FILIP1L: variants seen among roughly 807,000 people sequenced by gnomAD.
The protein encoded by FILIP1L is filamin A interacting protein 1 like, also known as filamin A-interacting protein 1-like.
In FILIP1L, 55 loss-of-function variants were observed where a neutral mutation model predicts 96.6. The observed-to-expected ratio is 0.57, with a 90% CI of 0.46 to 0.71. The LOEUF is 0.71. Among genes scored for constraint, FILIP1L ranks in the 30% least tolerant of loss-of-function variants. The pLI is 0.00. For synonymous variants in FILIP1L, 467 were observed against 473.9 expected (o/e 0.99, Z 0.19); for missense variants, 1,304 against 1,321.2 (o/e 0.99, Z 0.20).
At chr3:99,909,100 T>C (rs1706712289) in intron 4 of FILIP1L, among the ~76,000 whole-genome samples, 1 of 152,226 alleles carries the variant, frequency 6.6e-6, no homozygotes, top group African/African-American at 2.4e-5. Flanking sequence ...CCAAATGTTC[T>C]AGTGCAGCAT....
At position 99,930,997 on chromosome 3, in the gene FILIP1L, G is replaced by A. The variant is rs375109760; in HGVS notation, c.24C>T (p.Thr8=). The A allele has an allele frequency of 7.2e-5, 116 of 1,613,560 alleles. No individual in the cohort carries two copies. The highest frequency in any genetic ancestry group is 9.2e-5 in the Non-Finnish European group (109 of 1,179,866). Reference sequence around the variant, plus strand: ...GAAATTTCTTTTGGGCTGAGCCCTCGGTATCACTGCCTCTGGAACGCATTC... The same window carrying A: ...GAAATTTCTTTTGGGCTGAGCCCTCAGTATCACTGCCTCTGGAACGCATTC... MRSRGSD[T]EGSAQKKFPR... The change falls in exon 2 of 6, where the codon ACC becomes ACT. Residue 8 remains threonine, a synonymous_variant. Coordinates refer to ENST00000477258, the MANE Select transcript of FILIP1L (RefSeq NM_001387850.1).
At position 99,830,386 on chromosome 3, in the gene FILIP1L, A is replaced by T; in HGVS notation, c.*28T>A. On this transcript the variant is annotated 3_prime_UTR_variant, in exon 6 of 6. Transcript: ENST00000477258. ...GCTTTCCACATATTTCTGTAGATGA[A>T]TGTATCCAGGCAGTGCATTGGTATG... 2 of 386,560 alleles carry T rather than the reference A, an allele frequency of 5.2e-6. No homozygotes were observed. The highest frequency in any genetic ancestry group is 1.0e-5 in the Non-Finnish European group (2 of 190,690). 23.9% of individuals were successfully genotyped at this position (386,560 alleles called of 1,614,324 possible).
At chr3:100,012,508 T>G (rs1398745009) in intron 1 of FILIP1L, among the ~76,000 whole-genome samples, 4 of 152,164 alleles carry the variant, frequency 2.6e-5, no homozygotes, top group Non-Finnish European at 5.9e-5. Flanking sequence ...TACATATCAC[T>G]TAGTAAAGGG....
intron 4 of FILIP1L, among the ~76,000 whole-genome samples, chr3:99,870,901 A>C (rs1174469015): frequency 6.6e-6 from 1 of 152,208 alleles, no homozygotes; most frequent in Non-Finnish European, 1.5e-5. Flanking sequence ...AGAGAAATTC[A>C]GAGGAGTCCA....
intron 4 of FILIP1L, among the ~76,000 whole-genome samples, chr3:99,892,496 T>G (rs1706114880): frequency 6.6e-6 from 1 of 152,238 alleles, no homozygotes; most frequent in South Asian, 2.1e-4. Flanking sequence ...TCCAGCCTTG[T>G]GGCAGGTTCT....
rs10935982 is a variant in FILIP1L at position 99,840,221 on chromosome 3, C to CTTT, written c.3381+8071_3381+8073dup. Among the ~76,000 whole-genome samples, 492 of 101,946 alleles carry CTTT rather than the reference C, an allele frequency of 4.8e-3. 3 individuals carry two copies. The highest frequency in any genetic ancestry group is 5.2e-3 in the African/African-American group (136 of 26,024). The allele number at this position is 101,946 out of a possible 152,430, so 66.9% of individuals were successfully genotyped here. On this transcript the variant is annotated intron_variant, in intron 5 of 5. Transcript: ENST00000477258. ...GGTAAAAGAAATTAATTCGTAGAAT[C>CTTT]TTTTTTTTTTTTTTTTTTTTTTGAG...
chr3:99,875,763 A>G (rs1255004623), intron 4 of FILIP1L, among the ~76,000 whole-genome samples: 1 of 152,154 alleles, frequency 6.6e-6, no homozygotes, highest in Non-Finnish European at 1.5e-5. Flanking sequence ...CCTTTCCCCA[A>G]AGATTTCTCA....
chr3:100,049,262 A>G (rs1264173081), intron 1 of FILIP1L, among the ~76,000 whole-genome samples: 2 of 152,220 alleles, frequency 1.3e-5, no homozygotes, highest in Non-Finnish European at 2.9e-5. Flanking sequence ...TTCATTTATC[A>G]TCTGTTTTTG....
chr3:100,080,255 T>C lies in FILIP1L; in HGVS notation c.-11+33798A>G, dbSNP rs184167677. Among the ~76,000 whole-genome samples, 35 of 152,218 alleles carry C rather than the reference T, an allele frequency of 2.3e-4. 1 individual carries two copies. The highest frequency in any genetic ancestry group is 2.2e-3 in the Admixed American group (34 of 15,286). On this transcript the variant is annotated intron_variant, in intron 1 of 5. Coordinates refer to ENST00000477258, the MANE Select transcript of FILIP1L (RefSeq NM_001387850.1). ...GCCTTGGCCTCCCAAAGTATTGGGA[T>C]TACAAGCATGAACCACTGCACCCGG...
At chr3:99,998,952 C>T (rs2107157656) in intron 1 of FILIP1L, among the ~76,000 whole-genome samples, 1 of 152,332 alleles carries the variant, frequency 6.6e-6, no homozygotes, top group South Asian at 2.1e-4. Flanking sequence ...AAAATTCAAG[C>T]ACACACCCAG....
rs780796920 is a variant in FILIP1L at position 99,848,866 on chromosome 3, G to A, written c.2810C>T (p.Pro937Leu). 28 of 1,613,934 alleles carry A rather than the reference G, an allele frequency of 1.7e-5. No individual in the cohort carries two copies. The highest frequency in any genetic ancestry group is 1.6e-4 in the East Asian group (7 of 44,890). The change falls in exon 5 of 6, where the codon CCG becomes CTG. Residue 937 changes from proline to leucine, a missense_variant. Physicochemically the swap from Pro to Leu is moderately conservative, Grantham distance 98 (BLOSUM62 -3). Coordinates refer to ENST00000477258, the MANE Select transcript of FILIP1L (RefSeq NM_001387850.1). ...PHSYTSTAVI[P>L]NCGTPKQRIT... ...CCTTTGCTTTGGCGTGCCACAGTTC[G>A]GTATCACTGCAGTACTCGTGTAAGA...
At chr3:100,015,182 C>T (rs7648943) in intron 1 of FILIP1L, among the ~76,000 whole-genome samples, 1,877 of 151,820 alleles carry the variant, frequency 0.012, 23 homozygotes, top group African/African-American at 0.028. Context: ...TTGGTACCTT[C>T]GTTGTAGATC....
At chr3:100,044,785 G>T (rs765997194) in intron 1 of FILIP1L, among the ~76,000 whole-genome samples, 1 of 152,158 alleles carries the variant, frequency 6.6e-6, no homozygotes, top group South Asian at 2.1e-4. Flanking sequence ...TGTGAAAAAG[G>T]CTGGTGCCAT....
At chr3:99,877,049 C>G (rs1478699650) in intron 4 of FILIP1L, among the ~76,000 whole-genome samples, 2 of 152,142 alleles carry the variant, frequency 1.3e-5, no homozygotes, top group Non-Finnish European at 2.9e-5. Context: ...ATATTATCCT[C>G]TAGTATGGGG....
At chr3:100,079,720 A>C (rs971281574) in intron 1 of FILIP1L, among the ~76,000 whole-genome samples, 72 of 152,108 alleles carry the variant, frequency 4.7e-4, no homozygotes, top group African/African-American at 1.7e-3. Flanking sequence ...ACCTGTATTC[A>C]CACTTTAGAA....
chr3:99,994,762 A>G (rs748017110), intron 1 of FILIP1L, among the ~76,000 whole-genome samples: 3 of 152,216 alleles, frequency 2.0e-5, no homozygotes, highest in African/African-American at 4.8e-5. Flanking sequence ...CACTTCTTAC[A>G]TGGGGGTGGC....
intron 1 of FILIP1L, among the ~76,000 whole-genome samples, chr3:100,065,150 T>C (rs958566429): frequency 1.1e-4 from 16 of 152,212 alleles, no homozygotes; most frequent in Admixed American, 1.0e-3. Flanking sequence ...GGCAGTCTAC[T>C]TAGTGTGATG....
chr3:99,853,033 G>C (rs1213165526), intron 4 of FILIP1L, among the ~76,000 whole-genome samples: 3 of 152,142 alleles, frequency 2.0e-5, no homozygotes, highest in Admixed American at 6.5e-5. Context: ...CTCATCCAAG[G>C]TCTTGGCAAA....
rs935681299 is a variant in FILIP1L at position 99,924,280 on chromosome 3, G to T, written c.555C>A (p.Tyr185Ter). ...ATATGAATTCATCACTCTTCTCCAT[G>T]TATTCTTTATGTTTTCTCTTTTCTT... Reference protein sequence around the residue: ...LEEEKRKHKEYMEKSDEFICL... With the variant: ...LEEEKRKHKE Residue 185 changes from tyrosine to a stop codon, truncating the protein, a stop_gained, in exon 4 of 6, where the codon TAC becomes TAA. Transcript: ENST00000477258. LOFTEE classifies it high-confidence loss of function. 1 of 1,613,846 alleles carries T rather than the reference G, an allele frequency of 6.2e-7. No homozygotes were observed. Among genetic ancestry groups the T allele is most frequent in the Admixed American group, 1.7e-5 (1 of 59,976 alleles).
Sources: allele counts gnomAD v4.1 joint callset (sites outside exome capture counted in the v4.1 genomes callset), GRCh38; gene constraint gnomAD v4.1.1; transcripts MANE v1.5; gene names NCBI Gene and HGNC (gene_info 2026-07-23, HGNC 2026-07-21).